The following PDCD1LG2 variants were observed in gnomAD, a reference collection of about 807,000 sequenced individuals.
PDCD1LG2 encodes the protein B7 dendritic cell molecule.
A neutral mutation model predicts 28.2 loss-of-function variants in PDCD1LG2; 32 were observed. The observed-to-expected ratio is 1.13, with a 90% confidence interval of 0.86 to 1.52. The LOEUF (loss-of-function observed/expected upper bound fraction) is 1.52, where lower values mean the gene tolerates loss of function less well. Ranked by LOEUF, PDCD1LG2 falls within the 40% of genes most tolerant of loss-of-function variation. PDCD1LG2 has a pLI of 0.00. For synonymous variants in PDCD1LG2, 116 were observed against 120.2 expected (o/e 0.97, Z 0.23); for missense variants, 385 against 323.8 (o/e 1.19, Z -1.45).
In PDCD1LG2 at chr9:5,510,692, C is replaced by T. The variant is rs1290672061; in HGVS notation, c.-126C>T. The T allele has an allele frequency of 6.6e-6, 1 of 152,574 alleles. No homozygotes were observed. The highest frequency in any genetic ancestry group is 6.5e-5 in the Admixed American group (1 of 15,270). The allele number at this position is 152,574 out of a possible 1,614,324, so 9.5% of individuals were successfully genotyped here. ...ACTGCATGTTGATTGTTTTGTTTTT[C>T]CTTTTGGCTGTTCATTTTGGTGGCT... On this transcript the variant is annotated 5_prime_UTR_variant, in exon 1 of 7. Coordinates refer to ENST00000397747, the MANE Select transcript of PDCD1LG2 (RefSeq NM_025239.4).
chr9:5,554,018 T>C (rs1334634969), intron 4 of PDCD1LG2, among the ~76,000 whole-genome samples: 1 of 152,140 alleles, frequency 6.6e-6, no homozygotes, highest in South Asian at 2.1e-4. Context: ...GCCCACCCTC[T>C]CTCTGGGGCA....
intron 4 of PDCD1LG2, among the ~76,000 whole-genome samples, chr9:5,551,742 C>T (rs557740084): frequency 1.2e-4 from 19 of 152,268 alleles, no homozygotes; most frequent in African/African-American, 4.1e-4. Flanking sequence ...AATTCTACCC[C>T]AGCTGGCTGA....
At chr9:5,544,929 T>A (rs1040652790) in intron 3 of PDCD1LG2, among the ~76,000 whole-genome samples, 5 of 152,214 alleles carry the variant, frequency 3.3e-5, no homozygotes, top group Admixed American at 6.5e-5. Context: ...GTGTTACATA[T>A]CCTTTTTAAA....
rs1201655032 is a variant in PDCD1LG2, at chr9:5,528,591, C to T, written c.55+5990C>T. Among the ~76,000 whole-genome samples the T allele has an allele frequency of 2.6e-5, 4 of 152,070 alleles. No individual in the cohort carries two copies. The East Asian group carries it at 7.7e-4, about 29-fold the overall frequency. ...AAATGCTGGGATTACAGGCATAAGCCACTGCACCTGGCCTTAGTTAAGTTT... is the reference window on the plus strand; with the variant it reads ...AAATGCTGGGATTACAGGCATAAGCTACTGCACCTGGCCTTAGTTAAGTTT... On this transcript the variant is annotated intron_variant, in intron 2 of 6. Transcript: ENST00000397747.
chr9:5,550,313 G>C (rs1816304811), intron 4 of PDCD1LG2, among the ~76,000 whole-genome samples: 1 of 152,056 alleles, frequency 6.6e-6, no homozygotes, highest in African/African-American at 2.4e-5. Context: ...AAACAATCTT[G>C]GGAAAATAAC....
chr9:5,527,256 C>T (rs1469247381), intron 2 of PDCD1LG2, among the ~76,000 whole-genome samples: 4 of 152,186 alleles, frequency 2.6e-5, no homozygotes, highest in African/African-American at 9.7e-5. Flanking sequence ...ACTACCACCA[C>T]CACAGTGAAC....
chr9:5,557,291 C>T (rs931408909), intron 4 of PDCD1LG2, among the ~76,000 whole-genome samples: 4 of 152,074 alleles, frequency 2.6e-5, no homozygotes, highest in African/African-American at 9.7e-5. Flanking sequence ...AAAAAAATAA[C>T]ATGAGAGAGT....
At chr9:5,561,672 G>A (rs1586820710) in intron 5 of PDCD1LG2, among the ~76,000 whole-genome samples, 2 of 152,206 alleles carry the variant, frequency 1.3e-5, no homozygotes, top group East Asian at 3.8e-4. Flanking sequence ...TAGATCTTTA[G>A]AACATGTCTT....
chr9:5,524,083 G>A (rs1230816155), intron 2 of PDCD1LG2, among the ~76,000 whole-genome samples: 1 of 152,182 alleles, frequency 6.6e-6, no homozygotes, highest in African/African-American at 2.4e-5. Flanking sequence ...TTCACTAAAT[G>A]CCAGATACTG....
intron 4 of PDCD1LG2, among the ~76,000 whole-genome samples, chr9:5,553,534 A>G (rs1816379282): frequency 6.6e-6 from 1 of 152,224 alleles, no homozygotes; most frequent in Non-Finnish European, 1.5e-5. Context: ...GAATTGAGAA[A>G]TAACTTTACA....
intron 3 of PDCD1LG2, 117 bp from the exon 4 acceptor site, chr9:5,549,218 A>G (rs1816273595): frequency 3.1e-6 from 3 of 972,172 alleles, no homozygotes; most frequent in Non-Finnish European, 4.6e-6. Flanking sequence ...ACAAATGATA[A>G]CCATTATTAC....
chr9:5,513,397 T>C (rs375307765), intron 1 of PDCD1LG2, among the ~76,000 whole-genome samples: 46 of 152,264 alleles, frequency 3.0e-4, no homozygotes, highest in African/African-American at 9.6e-4. Flanking sequence ...TCTAGGGCTT[T>C]TGCAATTTTA....
At chr9:5,528,759 G>A (rs1252924182) in intron 2 of PDCD1LG2, among the ~76,000 whole-genome samples, 9 of 151,820 alleles carry the variant, frequency 5.9e-5, no homozygotes, top group African/African-American at 2.2e-4. Flanking sequence ...TTTTTGAGAC[G>A]CAGTCTCCAT....
At position 5,534,885 on chromosome 9, in the gene PDCD1LG2, ACAT is replaced by A. The variant is rs1308797290; in HGVS notation, c.198_200del (p.Ser67del). ...CAGTTTGCAAAAGGTGGAAAATGATACATCCCCACACCGTGAAAGAGCCACTTT... is the reference window on the plus strand; with the variant it reads ...CAGTTTGCAAAAGGTGGAAAATGATACCCCACACCGTGAAAGAGCCACTTT... On this transcript the variant is annotated inframe_deletion, in exon 3 of 7. Transcript: ENST00000397747. 11 of 1,614,188 alleles carry A rather than the reference ACAT, an allele frequency of 6.8e-6. No homozygotes were observed. Among genetic ancestry groups the A allele is most frequent in the Non-Finnish European group, 6.8e-6 (8 of 1,180,034 alleles).
intron 3 of PDCD1LG2, among the ~76,000 whole-genome samples, chr9:5,541,362 C>G (rs1820682900): frequency 6.6e-6 from 1 of 152,018 alleles, no homozygotes. Flanking sequence ...GGCCAGAGCA[C>G]TCAAAGAGAA....
At chr9:5,536,764 G>A (rs140723969) in intron 3 of PDCD1LG2, among the ~76,000 whole-genome samples, 2 of 152,234 alleles carry the variant, frequency 1.3e-5, no homozygotes, top group African/African-American at 2.4e-5. Flanking sequence ...GGATATTTGG[G>A]GATTACAAAG....
intron 5 of PDCD1LG2, among the ~76,000 whole-genome samples, chr9:5,559,245 T>C (rs1176402769): frequency 1.3e-5 from 2 of 152,254 alleles, no homozygotes; most frequent in African/African-American, 4.8e-5. Context: ...CTAACTGTGA[T>C]TAGGAGACCT....
intron 3 of PDCD1LG2, among the ~76,000 whole-genome samples, chr9:5,547,651 A>G (rs1329538024): frequency 6.6e-6 from 1 of 152,214 alleles, no homozygotes; most frequent in African/African-American, 2.4e-5. Flanking sequence ...GAAAGAGTCA[A>G]TCAAGCCGGG....
At chr9:5,537,466 A>T (rs931140941) in intron 3 of PDCD1LG2, among the ~76,000 whole-genome samples, 2 of 152,212 alleles carry the variant, frequency 1.3e-5, no homozygotes, top group Non-Finnish European at 2.9e-5. Context: ...ATATGTGTTA[A>T]TAATAATAGA....
Sources: allele counts gnomAD v4.1 joint callset (sites outside exome capture counted in the v4.1 genomes callset), GRCh38; gene constraint gnomAD v4.1.1; transcripts MANE v1.5; gene names NCBI Gene and HGNC (gene_info 2026-07-23, HGNC 2026-07-21).